The following ITSN2 variants were observed in gnomAD, a reference collection of about 807,000 sequenced individuals.
ITSN2 encodes the protein intersectin-2.
Under a neutral mutation model 243.7 loss-of-function variants are expected in ITSN2, and 156 were observed. The observed-to-expected ratio is 0.64, with a 90% CI of 0.56 to 0.73. The LOEUF (loss-of-function observed/expected upper bound fraction) is 0.73. ITSN2 is among the 30% of genes least tolerant of loss of function. ITSN2 has a pLI of 0.00. For missense variants in ITSN2, 1,801 were observed against 1,996.1 expected (o/e 0.90, Z 1.86); for synonymous variants, 703 against 699.9 (o/e 1.00, Z -0.07).
chr2:24,322,870 T>C (rs1684743926), intron 2 of ITSN2, among the ~76,000 whole-genome samples: 1 of 151,440 alleles, frequency 6.6e-6, no homozygotes, highest in East Asian at 1.9e-4. Flanking sequence ...ACTCAAAAAT[T>C]AGAAAATAAT....
chr2:24,254,452 CA>C (rs1329414936), intron 23 of ITSN2, 21 bp from the exon 24 acceptor site: 1 of 1,544,592 alleles, frequency 6.5e-7, no homozygotes, highest in African/African-American at 1.4e-5. Flanking sequence ...TATAAACAAA[CA>C]AACAAACAAA....
rs188265777 is a variant in ITSN2, at chr2:24,283,287, C to T, written c.1944+1476G>A. On this transcript the variant is annotated intron_variant, in intron 17 of 39. Coordinates refer to ENST00000355123, the MANE Select transcript of ITSN2 (RefSeq NM_006277.3). ...TTGACCAGGCTGGAGTGCAATGGTGCGACCTCGGCTCACTGCAACCTCCGC... is the reference window on the plus strand; with the variant it reads ...TTGACCAGGCTGGAGTGCAATGGTGTGACCTCGGCTCACTGCAACCTCCGC... 1.5e-3 allele frequency among the ~76,000 whole-genome samples: 227 copies of T among 151,868 alleles called. 1 individual carries two copies. The highest frequency in any genetic ancestry group is 5.1e-3 in the African/African-American group (213 of 41,394).
intron 23 of ITSN2, 108 bp downstream of exon 23, chr2:24,257,780 A>G: frequency 1.1e-6 from 1 of 896,388 alleles, no homozygotes; most frequent in Non-Finnish European, 1.8e-6. Flanking sequence ...TGATATTCAA[A>G]CTCAAGTATA....
chr2:24,276,560 C>T (rs1193536232), intron 17 of ITSN2, among the ~76,000 whole-genome samples: 1 of 152,184 alleles, frequency 6.6e-6, no homozygotes, highest in African/African-American at 2.4e-5. Context: ...TTAGCAGGAA[C>T]TTGTGATTAT....
chr2:24,315,233 T>G lies in ITSN2; in HGVS notation c.32-9A>C, dbSNP rs1432917788. Reference sequence around the variant, plus strand: ...CCACATGTTTGGCCCTCCTGAAACATAAGTGGAAGAAACTATAGTGTATAC... The same window carrying G: ...CCACATGTTTGGCCCTCCTGAAACAGAAGTGGAAGAAACTATAGTGTATAC... On this transcript the variant is annotated splice_polypyrimidine_tract_variant and intron_variant, in intron 2 of 39. Coordinates refer to ENST00000355123, the MANE Select transcript of ITSN2 (RefSeq NM_006277.3). 2 of 1,547,860 alleles carry G rather than the reference T, an allele frequency of 1.3e-6. No homozygotes were observed. Among genetic ancestry groups the G allele is most frequent in the South Asian group, 2.3e-5 (2 of 88,268 alleles).
rs763990784 is a variant in ITSN2 at position 24,313,415 on chromosome 2, AC to A, written c.188+44del. Reference sequence around the variant, plus strand: ...TATGTTAACACTATATTACAAAAAAACAAAATACTATCAGAAAATTAGGTTC... The same window carrying A: ...TATGTTAACACTATATTACAAAAAAAAAAATACTATCAGAAAATTAGGTTC... On this transcript the variant is annotated intron_variant, in intron 4 of 39. Transcript: ENST00000355123. The A allele has an allele frequency of 4.6e-6, 7 of 1,531,618 alleles. No homozygotes were observed. The South Asian group carries it at 7.0e-5, about 15-fold the overall frequency. The allele number at this position is 1,531,618 out of a possible 1,614,324, so 94.9% of individuals were successfully genotyped here. A position where few individuals can be genotyped will look rare whatever the true frequency, so the allele number is the denominator to read the frequency against.
chr2:24,266,430 T>C (rs1676663779), intron 20 of ITSN2, among the ~76,000 whole-genome samples: 1 of 152,136 alleles, frequency 6.6e-6, no homozygotes, highest in South Asian at 2.1e-4. Context: ...TTATGGTAAA[T>C]AATTCTCATT....
chr2:24,356,226 G>A (rs1412932640), intron 1 of ITSN2, among the ~76,000 whole-genome samples: 1 of 147,558 alleles, frequency 6.8e-6, no homozygotes. Context: ...ATAGCTGGAC[G>A]TGGTGGCACA....
chr2:24,288,577 C>T lies in ITSN2; in HGVS notation c.1724-2226G>A, dbSNP rs542705787. Among the ~76,000 whole-genome samples, 137 of 152,060 alleles carry T rather than the reference C, an allele frequency of 9.0e-4. 1 individual carries two copies. The highest frequency in any genetic ancestry group is 2.5e-3 in the South Asian group (12 of 4,822). On this transcript the variant is annotated intron_variant, in intron 15 of 39. Coordinates refer to ENST00000355123, the MANE Select transcript of ITSN2 (RefSeq NM_006277.3). ...CAAATAAAAACTTGTATTTATAGTACGCATGTTGTTTTGAAATATGTATAC... is the reference window on the plus strand; with the variant it reads ...CAAATAAAAACTTGTATTTATAGTATGCATGTTGTTTTGAAATATGTATAC...
Position 24,208,974 on chromosome 2 carries a change from G to A in ITSN2, c.4595+126C>T, listed in dbSNP as rs114220494. On this transcript the variant is annotated intron_variant, in intron 36 of 39. Transcript: ENST00000355123. ...CATGGGACTGGAGCAGAGGGGATGT[G>A]TTAAGAGAGGTTCAGGATACAGAAT... The A allele has an allele frequency of 1.7e-3, 1,742 of 1,045,558 alleles. 19 individuals carry two copies. In the African/African-American group the frequency reaches 0.026, roughly 15 times the overall value. The allele number at this position is 1,045,558 out of a possible 1,614,324, so 64.8% of individuals were successfully genotyped here. A position where few individuals can be genotyped will look rare whatever the true frequency, so the allele number is the denominator to read the frequency against.
intron 28 of ITSN2, 112 bp from the exon 29 acceptor site, chr2:24,246,432 T>C: frequency 1.7e-6 from 1 of 582,808 alleles, no homozygotes; most frequent in Non-Finnish European, 2.7e-6. Flanking sequence ...ATATTAAAAT[T>C]AGGCTAAAAT....
intron 15 of ITSN2, among the ~76,000 whole-genome samples, chr2:24,291,276 C>T (rs1453143504): frequency 2.0e-5 from 3 of 151,892 alleles, no homozygotes; most frequent in Non-Finnish European, 2.9e-5. Context: ...ACCACAGATG[C>T]GTGCCACTAC....
intron 17 of ITSN2, among the ~76,000 whole-genome samples, chr2:24,279,380 T>G (rs1220977148): frequency 6.6e-6 from 1 of 152,226 alleles, no homozygotes; most frequent in African/African-American, 2.4e-5. Flanking sequence ...TGGTTGACTT[T>G]CCAAAATACT....
chr2:24,337,307 A>G (rs78615780), intron 1 of ITSN2, among the ~76,000 whole-genome samples: 57 of 29,638 alleles, frequency 1.9e-3, no homozygotes, highest in Non-Finnish European at 3.2e-3. Flanking sequence ...GTGTGTGTGT[A>G]TACACAAAAT....
intron 15 of ITSN2, among the ~76,000 whole-genome samples, chr2:24,292,150 C>T (rs1680334114): frequency 6.6e-6 from 1 of 152,150 alleles, no homozygotes; most frequent in African/African-American, 2.4e-5. Context: ...CTAAGGGATA[C>T]AGGGTACTTT....
At chr2:24,210,722 G>A in intron 34 of ITSN2, 58 bp downstream of exon 34, 2 of 1,547,564 alleles carry the variant, frequency 1.3e-6, no homozygotes, top group South Asian at 2.3e-5. Context: ...AAGGCTCGGA[G>A]CTGGTTCCCC....
Position 24,216,113 on chromosome 2 carries a change from AGCTG to A in ITSN2, c.3922_3925del (p.Gln1308LeufsTer21), listed in dbSNP as rs1669932883. The A allele has an allele frequency of 5.6e-6, 9 of 1,613,138 alleles. No individual in the cohort carries two copies. Among genetic ancestry groups the A allele is most frequent in the African/African-American group, 1.3e-5 (1 of 74,852 alleles). Reference sequence around the variant, plus strand: ...CTGCTGTAACAGAGCTGCTCCATTAAGCTGGCAGCTGCAGAACCTGATGTAAGCC... The same window carrying A: ...CTGCTGTAACAGAGCTGCTCCATTAAGCAGCTGCAGAACCTGATGTAAGCC... On this transcript the variant is annotated frameshift_variant, in exon 32 of 40. Coordinates refer to ENST00000355123, the MANE Select transcript of ITSN2 (RefSeq NM_006277.3). LOFTEE classifies it high-confidence loss of function.
chr2:24,340,369 T>G (rs1473774784), intron 1 of ITSN2, among the ~76,000 whole-genome samples: 1 of 151,746 alleles, frequency 6.6e-6, no homozygotes, highest in Non-Finnish European at 1.5e-5. Context: ...TAGTCCCAGC[T>G]ACTTGGGAGG....
chr2:24,308,957 C>A, intron 7 of ITSN2: 1 of 566,544 alleles, frequency 1.8e-6, no homozygotes, highest in Non-Finnish European at 3.4e-6. Flanking sequence ...CAGCTCCTGT[C>A]CAGTGAGCAG....
Sources: gnomAD v4.1 joint callset for allele counts (sites outside exome capture counted in the v4.1 genomes callset) on GRCh38, gnomAD v4.1.1 for gene constraint, MANE v1.5 for transcripts, NCBI Gene and HGNC (gene_info 2026-07-23, HGNC 2026-07-21) for gene names.